Variants in ARHGEF7 observed in about 807,000 individuals in gnomAD.
ARHGEF7 encodes the protein Rho guanine nucleotide exchange factor 7.
A neutral mutation model predicts 109.8 loss-of-function variants in ARHGEF7; 33 were observed. The observed-to-expected ratio is 0.30, with a 90% CI of 0.23 to 0.40. ARHGEF7 has a LOEUF of 0.40. Among genes scored for constraint, ARHGEF7 ranks in the 10% least tolerant of loss-of-function variants. The pLI is 1.00. For missense variants in ARHGEF7, 938 were observed against 1,098.5 expected (o/e 0.85, Z 2.07); for synonymous variants, 458 against 424.6 (o/e 1.08, Z -0.97).
At chr13:111,137,702 T>G (rs1566612563) in intron 1 of ARHGEF7, among the ~76,000 whole-genome samples, 1 of 150,226 alleles carries the variant, frequency 6.7e-6, no homozygotes, top group Admixed American at 6.6e-5. Flanking sequence ...AAAGAATATG[T>G]TTTTTTTTCA....
intron 2 of ARHGEF7, among the ~76,000 whole-genome samples, chr13:111,183,937 G>C (rs1387753354): frequency 6.6e-6 from 1 of 152,096 alleles, no homozygotes; most frequent in Non-Finnish European, 1.5e-5. Flanking sequence ...GCTTATGGCC[G>C]GGTGCGGGTG....
At chr13:111,206,260 C>T (rs1333123211) in intron 3 of ARHGEF7, among the ~76,000 whole-genome samples, 3 of 151,228 alleles carry the variant, frequency 2.0e-5, no homozygotes, top group Non-Finnish European at 4.4e-5. Flanking sequence ...CCTCACTGCA[C>T]ATTGAGGAGA....
intron 5 of ARHGEF7, among the ~76,000 whole-genome samples, chr13:111,219,645 GT>G (rs550988099): frequency 0.11 from 15,932 of 147,734 alleles, 1,150 homozygotes; most frequent in Middle Eastern, 0.16. Context: ...TCGCCAACTT[GT>G]TTTTTTTTTT....
At chr13:111,154,444 A>G (rs967727573) in intron 2 of ARHGEF7, among the ~76,000 whole-genome samples, 4 of 150,814 alleles carry the variant, frequency 2.7e-5, no homozygotes, top group African/African-American at 9.9e-5. Flanking sequence ...TCGTGCAGAA[A>G]TAAAATGGGC....
At chr13:111,249,632 C>A (rs938322348) in intron 8 of ARHGEF7, among the ~76,000 whole-genome samples, 2 of 152,084 alleles carry the variant, frequency 1.3e-5, no homozygotes, top group African/African-American at 4.8e-5. Context: ...TTGTCTGTAC[C>A]TATGAAGATA....
intron 2 of ARHGEF7, among the ~76,000 whole-genome samples, chr13:111,177,724 T>C (rs868188641): frequency 1.3e-5 from 2 of 152,200 alleles, no homozygotes; most frequent in South Asian, 4.1e-4. Context: ...GTAAAAGGCA[T>C]GTCTTTCTGG....
At chr13:111,286,657 G>A (rs138220032) in intron 17 of ARHGEF7, among the ~76,000 whole-genome samples, 3 of 152,132 alleles carry the variant, frequency 2.0e-5, no homozygotes, top group Non-Finnish European at 4.4e-5. Context: ...CACCCGTGCT[G>A]TTCTCTTGCT....
chr13:111,180,126 C>G (rs78683154), intron 2 of ARHGEF7, among the ~76,000 whole-genome samples: 1 of 152,224 alleles, frequency 6.6e-6, no homozygotes, highest in Non-Finnish European at 1.5e-5. Context: ...TTTAGGGCCT[C>G]AGGCTCCTGT....
chr13:111,220,932 ATAG>A (rs2083759013), intron 5 of ARHGEF7, among the ~76,000 whole-genome samples: 1 of 144,388 alleles, frequency 6.9e-6, no homozygotes, highest in Non-Finnish European at 1.5e-5. Flanking sequence ...GACAGAACTA[ATAG>A]TATTCTCCTG....
In ARHGEF7 at chr13:111,262,147, G is replaced by A. The variant is rs57221869; in HGVS notation, c.951-5401G>A. Among the ~76,000 whole-genome samples, 1,316 of 152,208 alleles carry A rather than the reference G, an allele frequency of 8.6e-3. 19 individuals are homozygous for A. Among genetic ancestry groups the A allele is most frequent in the African/African-American group, 0.03 (1,256 of 41,534 alleles). On this transcript the variant is annotated intron_variant, in intron 8 of 21. Transcript: ENST00000646102. ...TGAATTTGAAATATTACAAAAGATC[G>A]ATGAAACCAAAAGTGGCTTTTTTGA...
intron 5 of ARHGEF7, among the ~76,000 whole-genome samples, chr13:111,229,296 G>A (rs1234756190): frequency 5.3e-5 from 8 of 152,118 alleles, no homozygotes; most frequent in East Asian, 1.9e-4. Flanking sequence ...GTTTTAATCC[G>A]CGTATTTTAA....
chr13:111,159,704 A>G (rs2076602271), intron 2 of ARHGEF7, among the ~76,000 whole-genome samples: 2 of 152,036 alleles, frequency 1.3e-5, no homozygotes, highest in South Asian at 2.1e-4. Context: ...TCCTTTGCTC[A>G]TCATTTTTTA....
intron 1 of ARHGEF7, among the ~76,000 whole-genome samples, chr13:111,133,763 TTATATATATATATATATATA>T (rs763290549): frequency 1.4e-4 from 1 of 7,378 alleles, no homozygotes; most frequent in Non-Finnish European, 2.6e-4. Context: ...CTGCTTTTCT[TTATATATATATATATATATA>T]TATATATATA....
intron 19 of ARHGEF7, among the ~76,000 whole-genome samples, chr13:111,298,530 G>A (rs1172171627): frequency 6.6e-6 from 1 of 152,240 alleles, no homozygotes; most frequent in Non-Finnish European, 1.5e-5. Flanking sequence ...AGTGTCAGGA[G>A]TCCTTGCAGC....
At chr13:111,132,719 A>G (rs750712805) in intron 1 of ARHGEF7, among the ~76,000 whole-genome samples, 41 of 152,218 alleles carry the variant, frequency 2.7e-4, no homozygotes, top group Non-Finnish European at 4.7e-4. Context: ...AATGTAAGTC[A>G]TGTCCTGGGG....
At chr13:111,186,782 C>T (rs541830186) in intron 2 of ARHGEF7, 1 of 984,832 alleles carries the variant, frequency 1.0e-6, no homozygotes, top group South Asian at 4.7e-5. Context: ...CAACGCAGAC[C>T]ACTAAAGCTT....
chr13:111,221,329 GTCT>G (rs1314557149), intron 5 of ARHGEF7, among the ~76,000 whole-genome samples: 45 of 1,630 alleles, frequency 0.028, 15 homozygotes, highest in Non-Finnish European at 0.071. Flanking sequence ...AGATATATAT[GTCT>G]ATATATATCT....
intron 1 of ARHGEF7, among the ~76,000 whole-genome samples, chr13:111,133,132 T>C (rs977921329): frequency 1.3e-5 from 2 of 152,074 alleles, no homozygotes; most frequent in East Asian, 1.9e-4. Context: ...TTTATACACG[T>C]GCATATGTAC....
At chr13:111,201,846 C>T (rs1164270) in intron 2 of ARHGEF7, among the ~76,000 whole-genome samples, 52,889 of 151,720 alleles carry the variant, frequency 0.35, 10,091 homozygotes, top group African/African-American at 0.48. Context: ...TTGTGCGGTT[C>T]AGTGTTAGAC....
Sources: gnomAD v4.1 joint callset for allele counts (sites outside exome capture counted in the v4.1 genomes callset) on GRCh38, gnomAD v4.1.1 for gene constraint, MANE v1.5 for transcripts, NCBI Gene and HGNC (gene_info 2026-07-23, HGNC 2026-07-21) for gene names.